The following MTUS2 variants were observed in gnomAD, a reference collection of about 807,000 sequenced individuals.
MTUS2 encodes microtubule-associated tumor suppressor candidate 2.
MTUS2 carries 40 observed loss-of-function variants against 114.1 expected under a neutral mutation model. The ratio of observed to expected loss-of-function variants is 0.35; its 90% CI spans 0.27 to 0.46. The LOEUF is 0.46. MTUS2 is among the 20% of genes least tolerant of loss of function. MTUS2 has a pLI of 1.00. For missense variants in MTUS2, 1,679 were observed against 1,705.4 expected (o/e 0.98, Z 0.27); for synonymous variants, 688 against 672.0 (o/e 1.02, Z -0.37).
At chr13:29,232,564 A>G (rs1896376821) in intron 5 of MTUS2, among the ~76,000 whole-genome samples, 1 of 152,246 alleles carries the variant, frequency 6.6e-6, no homozygotes, top group Admixed American at 6.5e-5. Context: ...TTTTGATCTG[A>G]AAAGTTGAAA....
intron 5 of MTUS2, among the ~76,000 whole-genome samples, chr13:29,139,002 T>C (rs1892102891): frequency 6.6e-6 from 1 of 152,128 alleles, no homozygotes; most frequent in Admixed American, 6.5e-5. Context: ...AGTAAGTACC[T>C]GTTTATGTTA....
At chr13:29,254,309 G>A (rs1897224761) in intron 5 of MTUS2, among the ~76,000 whole-genome samples, 1 of 152,186 alleles carries the variant, frequency 6.6e-6, no homozygotes, top group Non-Finnish European at 1.5e-5. Flanking sequence ...AGTAAAGGAG[G>A]CAACGAACAA....
intron 8 of MTUS2, among the ~76,000 whole-genome samples, chr13:29,427,534 C>T (rs759390708): frequency 1.3e-5 from 2 of 152,160 alleles, no homozygotes; most frequent in Non-Finnish European, 2.9e-5. Flanking sequence ...ACAGCCAAGT[C>T]GCCTTCCTGA....
rs117859929 is a variant in MTUS2 at position 29,465,475 on chromosome 13, T to C, written c.3185-14675T>C. 5.6e-3 allele frequency among the ~76,000 whole-genome samples: 860 copies of C among 152,276 alleles called. 4 individuals carry two copies. The highest frequency in any genetic ancestry group is 9.1e-3 in the Non-Finnish European group (618 of 68,024). On this transcript the variant is annotated intron_variant, in intron 9 of 15. Coordinates refer to ENST00000612955, the MANE Select transcript of MTUS2 (RefSeq NM_001033602.4). ...GGGAGAAATGCCATAGCTGGAGGCATCCCCGGTAACGCATTTAACACCAGG... is the reference window on the plus strand; with the variant it reads ...GGGAGAAATGCCATAGCTGGAGGCACCCCCGGTAACGCATTTAACACCAGG...
chr13:29,142,954 G>A (rs1892286650), intron 5 of MTUS2, among the ~76,000 whole-genome samples: 1 of 152,230 alleles, frequency 6.6e-6, no homozygotes, highest in South Asian at 2.1e-4. Flanking sequence ...GTTACTTTGT[G>A]TAGAGAATTT....
chr13:29,381,449 T>C (rs569823024), intron 8 of MTUS2, among the ~76,000 whole-genome samples: 2 of 152,352 alleles, frequency 1.3e-5, no homozygotes, highest in African/African-American at 2.4e-5. Context: ...AGGAATCATA[T>C]ACTGTTTATT....
At chr13:29,202,165 T>C (rs150217844) in intron 5 of MTUS2, among the ~76,000 whole-genome samples, 7 of 152,292 alleles carry the variant, frequency 4.6e-5, no homozygotes, top group South Asian at 2.1e-4. Flanking sequence ...TTTGGTCTTT[T>C]CACATAGTCC....
chr13:28,888,291 T>G (rs1593272540), intron 2 of MTUS2, among the ~76,000 whole-genome samples: 1 of 152,176 alleles, frequency 6.6e-6, no homozygotes, highest in African/African-American at 2.4e-5. Flanking sequence ...AAATAGCTAT[T>G]GAAACACTGG....
chr13:28,951,288 A>G (rs1882796422), intron 2 of MTUS2, among the ~76,000 whole-genome samples: 1 of 152,210 alleles, frequency 6.6e-6, no homozygotes, highest in Non-Finnish European at 1.5e-5. Flanking sequence ...ATTACTTTGG[A>G]TAGTATTGAC....
chr13:29,169,826 G>T (rs1244541889), intron 5 of MTUS2, among the ~76,000 whole-genome samples: 1 of 152,198 alleles, frequency 6.6e-6, no homozygotes, highest in Non-Finnish European at 1.5e-5. Context: ...AGGAGGTAAA[G>T]GTGATGGCAA....
intron 9 of MTUS2, among the ~76,000 whole-genome samples, chr13:29,459,495 C>T (rs1446756506): frequency 1.3e-5 from 2 of 152,226 alleles, no homozygotes; most frequent in East Asian, 1.9e-4. Context: ...CCTACCCTTG[C>T]CCCTAAGTCT....
intron 4 of MTUS2, among the ~76,000 whole-genome samples, chr13:29,060,146 T>G (rs1888342250): frequency 1.3e-5 from 2 of 152,228 alleles, no homozygotes; most frequent in African/African-American, 4.8e-5. Flanking sequence ...GCAGTCTTAC[T>G]GCTCCCAAGC....
intron 2 of MTUS2, among the ~76,000 whole-genome samples, chr13:28,895,743 T>G (rs1743517542): frequency 6.6e-6 from 1 of 152,204 alleles, no homozygotes; most frequent in African/African-American, 2.4e-5. Context: ...CCTCCACTGT[T>G]GGATATGGTA....
At chr13:29,081,476 T>C (rs1289337011) in intron 4 of MTUS2, among the ~76,000 whole-genome samples, 1 of 152,076 alleles carries the variant, frequency 6.6e-6, no homozygotes, top group Non-Finnish European at 1.5e-5. Context: ...AGACAAACAT[T>C]CCATTGAATC....
intron 9 of MTUS2, among the ~76,000 whole-genome samples, chr13:29,470,468 C>G (rs1433603160): frequency 6.6e-6 from 1 of 152,204 alleles, no homozygotes; most frequent in African/African-American, 2.4e-5. Flanking sequence ...CATCCCCCAT[C>G]AATCCATTCC....
chr13:29,373,130 G>C (rs988726082), intron 8 of MTUS2, among the ~76,000 whole-genome samples: 1 of 152,200 alleles, frequency 6.6e-6, no homozygotes, highest in Non-Finnish European at 1.5e-5. Context: ...GGTCTGACTC[G>C]AGAAGTGGGA....
At chr13:29,284,163 TA>T (rs971143346) in intron 6 of MTUS2, among the ~76,000 whole-genome samples, 20 of 152,164 alleles carry the variant, frequency 1.3e-4, no homozygotes, top group Admixed American at 3.9e-4. Flanking sequence ...AAATGTCCAT[TA>T]ATAGGGGGCT....
At chr13:29,383,238 G>GTATATATATATATATA (rs1300982870) in intron 8 of MTUS2, among the ~76,000 whole-genome samples, 1 of 24,058 alleles carries the variant, frequency 4.2e-5, no homozygotes, top group Non-Finnish European at 1.4e-4. Context: ...GTGTGTGTGT[G>GTATATATATATATATA]TGTGTGTGTG....
chr13:28,824,996 C>G (rs953314419), intron 1 of MTUS2, among the ~76,000 whole-genome samples: 2 of 152,148 alleles, frequency 1.3e-5, no homozygotes, highest in Admixed American at 6.5e-5. Flanking sequence ...GCCACCTGAC[C>G]AGAGTGCAGC....
Sources: gnomAD v4.1 joint callset for allele counts (sites outside exome capture counted in the v4.1 genomes callset) on GRCh38, gnomAD v4.1.1 for gene constraint, MANE v1.5 for transcripts, NCBI Gene and HGNC (gene_info 2026-07-23, HGNC 2026-07-21) for gene names.